Variants in RABGGTB observed in about 807,000 individuals in gnomAD.
The protein encoded by RABGGTB is geranylgeranyl transferase type-2 subunit beta.
Under a neutral mutation model 44.5 loss-of-function variants are expected in RABGGTB, and 20 were observed. The observed-to-expected ratio is 0.45, with a 90% CI of 0.32 to 0.65. The LOEUF (loss-of-function observed/expected upper bound fraction) is 0.65, where lower values mean the gene tolerates loss of function less well. RABGGTB is among the 30% of genes least tolerant of loss of function. The probability of loss-of-function intolerance (pLI) is 0.05; values close to 1 mark genes in which losing one functional copy is unlikely to be tolerated. For missense variants in RABGGTB, 302 were observed against 398.7 expected, an observed-to-expected ratio of 0.76 and a Z score of 2.06; for synonymous variants, 128 against 136.7, an observed-to-expected ratio of 0.94 and a Z score of 0.44.
intron 6 of RABGGTB, chr1:75,791,792 G>A: frequency 2.1e-6 from 1 of 487,454 alleles, no homozygotes; most frequent in Admixed American, 3.8e-5. Flanking sequence ...AAACATAAGT[G>A]GGTTTATAAG....
chr1:75,789,166 G>GT lies in RABGGTB; in HGVS notation c.120dup (p.Met41TyrfsTer3). 6.2e-7 allele frequency: 1 copy of GT among 1,612,870 alleles called. No individual in the cohort carries two copies. Among genetic ancestry groups the GT allele is most frequent in the Non-Finnish European group, 8.5e-7 (1 of 1,178,876 alleles). ...AATTGTGTATTATTTTAGGAATACT[G>GT]TATGTCTGAGTATTTGAGAATGAGT... On this transcript the variant is annotated frameshift_variant, in exon 3 of 9. Coordinates refer to ENST00000319942, the MANE Select transcript of RABGGTB (RefSeq NM_004582.4). LOFTEE classifies it high-confidence loss of function.
At chr1:75,789,600 A>G in intron 3 of RABGGTB, 1 of 696,738 alleles carries the variant, frequency 1.4e-6, no homozygotes, top group Non-Finnish European at 2.7e-6. Flanking sequence ...AAATAGCTAA[A>G]TGGAGCTATT....
rs553896047 is a variant in RABGGTB at position 75,794,897 on chromosome 1, A to G, written c.*247A>G. On this transcript the variant is annotated 3_prime_UTR_variant, in exon 9 of 9. Transcript: ENST00000319942. ...TATACTTCTGTGTCTGTTATGTTCAATAACTGAGCTAACATAAAATAACTC... is the reference window on the plus strand; with the variant it reads ...TATACTTCTGTGTCTGTTATGTTCAGTAACTGAGCTAACATAAAATAACTC... The G allele has an allele frequency of 1.9e-5, 4 of 208,816 alleles. No homozygotes were observed. The highest frequency in any genetic ancestry group is 2.4e-4 in the East Asian group (2 of 8,380). The allele number at this position is 208,816 out of a possible 1,614,324, so 12.9% of individuals were successfully genotyped here. A position where few individuals can be genotyped will look rare whatever the true frequency, so the allele number is the denominator to read the frequency against.
Position 75,789,100 on chromosome 1 carries a change from CTCTT to C in RABGGTB, c.112-57_112-54del. Reference sequence around the variant, plus strand: ...CTAATGAGTTACCTTTGTGTTTAATCTCTTTATAACTTGTTACCAGTTCAAATGA... The same window carrying C: ...CTAATGAGTTACCTTTGTGTTTAATCTATAACTTGTTACCAGTTCAAATGA... On this transcript the variant is annotated intron_variant, in intron 2 of 8. Transcript: ENST00000319942. 2.0e-6 allele frequency: 3 copies of C among 1,490,656 alleles called. No homozygotes were observed. The South Asian group carries it at 3.5e-5, about 17-fold the overall frequency. 92.3% of individuals were successfully genotyped at this position (1,490,656 alleles called of 1,614,324 possible). A position where few individuals can be genotyped will look rare whatever the true frequency, so the allele number is the denominator to read the frequency against.
At position 75,795,053 on chromosome 1, in the gene RABGGTB, C is replaced by A. The variant is rs1225713780; in HGVS notation, c.*403C>A. 1 of 273,004 alleles carries A rather than the reference C, an allele frequency of 3.7e-6. No individual in the cohort carries two copies. The allele number at this position is 273,004 out of a possible 1,614,324, so 16.9% of individuals were successfully genotyped here. ...GAACCCATACATGAATTAAATGATG[C>A]ACAAAATAAATGGCTGTTGAAATTT... On this transcript the variant is annotated 3_prime_UTR_variant, in exon 9 of 9. Coordinates refer to ENST00000319942, the MANE Select transcript of RABGGTB (RefSeq NM_004582.4).
chr1:75,791,532 A>G lies in RABGGTB; in HGVS notation c.540A>G (p.Gly180=), dbSNP rs1649645488. Residue 180 remains glycine, a synonymous_variant, in exon 6 of 9, where the codon GGA becomes GGG. Coordinates refer to ENST00000319942, the MANE Select transcript of RABGGTB (RefSeq NM_004582.4). The stretch of plus-strand genomic sequence containing the variant: ...TATCCTGTATGAACTTTGACGGTGG[A>G]TTTGGTTGCAGACCAGGTTCTGAAT... ...FVLSCMNFDG[G]FGCRPGSESH... 1 of 1,612,742 alleles carries G rather than the reference A, an allele frequency of 6.2e-7. No individual in the cohort carries two copies. Among genetic ancestry groups the G allele is most frequent in the African/African-American group, 1.3e-5 (1 of 74,834 alleles).
chr1:75,792,290 A>C lies in RABGGTB; in HGVS notation c.689A>C (p.Asn230Thr). 6.2e-7 allele frequency: 1 copy of C among 1,613,978 alleles called. No homozygotes were observed. The change falls in exon 7 of 9, where the codon AAT (asparagine) becomes ACT (threonine). Residue 230 changes from asparagine to threonine, a missense_variant. Coordinates refer to ENST00000319942, the MANE Select transcript of RABGGTB (RefSeq NM_004582.4). ...CERQLPSGGL[N>T]GRPEKLPDVC... Reference sequence around the variant, plus strand: ...CGACAATTACCCTCAGGCGGGCTCAATGGAAGGCCGGAGAAGGTATTGTTT... The same window carrying C: ...CGACAATTACCCTCAGGCGGGCTCACTGGAAGGCCGGAGAAGGTATTGTTT...
chr1:75,791,462 G>T lies in RABGGTB; in HGVS notation c.470G>T (p.Gly157Val). 6 of 1,609,010 alleles carry T rather than the reference G, an allele frequency of 3.7e-6. No individual in the cohort carries two copies. Among genetic ancestry groups the T allele is most frequent in the Non-Finnish European group, 5.1e-6 (6 of 1,178,278 alleles). ...AGGCATCTTTTTTTTTGTTTGTAGG[G>T]GAAGCTTGATGCTATTAATGTGGAA... is the stretch of plus-strand genomic sequence containing the variant. Reference protein sequence around the residue: ...FCAVATLALLGKLDAINVEKA... With the variant: ...FCAVATLALLVKLDAINVEKA... The change falls in exon 6 of 9, where the codon GGG becomes GTG. Residue 157 changes from glycine to valine, a missense_variant and splice_region_variant. Physicochemically the swap from Gly to Val is moderately radical, Grantham distance 109. Around this residue, in one of 2 missense-constraint regions of RABGGTB, gnomAD observed 213 missense variants for 323.7 expected, o/e 0.66. Coordinates refer to ENST00000319942, the MANE Select transcript of RABGGTB (RefSeq NM_004582.4).
intron 4 of RABGGTB, 161 bp downstream of exon 4, chr1:75,790,218 A>G: frequency 7.0e-7 from 1 of 1,431,024 alleles, no homozygotes; most frequent in Non-Finnish European, 9.1e-7. Context: ...GCACTGTGGT[A>G]GTTATATCAG....
At chr1:75,787,705 T>G in intron 2 of RABGGTB, 101 bp downstream of exon 2, 2 of 904,506 alleles carry the variant, frequency 2.2e-6, no homozygotes, top group South Asian at 2.9e-5. Context: ...TCCAACTCCA[T>G]GCAGAGAACT....
intron 1 of RABGGTB, chr1:75,787,145 G>C: frequency 1.8e-6 from 1 of 560,868 alleles, no homozygotes; most frequent in South Asian, 1.4e-5. Flanking sequence ...ATTACTCTGA[G>C]ACCTGAAAAT....
rs578215099 is a variant in RABGGTB, at chr1:75,794,431, G to A, written c.856-79G>A. The A allele has an allele frequency of 4.0e-5, 57 of 1,433,506 alleles. No individual in the cohort carries two copies. The Middle Eastern group carries it at 4.6e-3, about 116-fold the overall frequency. The allele number at this position is 1,433,506 out of a possible 1,614,324, so 88.8% of individuals were successfully genotyped here. On this transcript the variant is annotated intron_variant, in intron 8 of 8. Coordinates refer to ENST00000319942, the MANE Select transcript of RABGGTB (RefSeq NM_004582.4). ...CTTGTTGCTAACAAAATTAGTATAT[G>A]GTAAAGGTCAGGTATTCATAATTTG... is the stretch of plus-strand genomic sequence containing the variant.
chr1:75,787,711 G>C (rs1246928601), intron 2 of RABGGTB, 107 bp downstream of exon 2: 2 of 873,680 alleles, frequency 2.3e-6, no homozygotes, highest in Non-Finnish European at 3.7e-6. Context: ...TCCATGCAGA[G>C]AACTGAGGAT....
At chr1:75,786,217 C>T (rs944777853), upstream of RABGGTB, 26 of 1,612,408 alleles carry the variant, frequency 1.6e-5, no homozygotes, top group Non-Finnish European at 2.1e-5. Context: ...GCGCAGGCGC[C>T]CGGCTCCTAA....
In RABGGTB at chr1:75,786,294, TGCTGTCCGGATGG is replaced by T. The variant is rs780517392; in HGVS notation, c.3+22_3+34del. 3 of 1,614,180 alleles carry T rather than the reference TGCTGTCCGGATGG, an allele frequency of 1.9e-6. No individual in the cohort carries two copies. The highest frequency in any genetic ancestry group is 2.5e-6 in the Non-Finnish European group (3 of 1,179,984). On this transcript the variant is annotated intron_variant, in intron 1 of 8. Transcript: ENST00000319942. ...GACATGGTAAGTGTGAGTTTAGCGC[TGCTGTCCGGATGG>T]GTTGGTAGCAGACAGGGTGGAGTAG...
rs992639778 is a variant in RABGGTB, at chr1:75,791,546, C to G, written c.554C>G (p.Pro185Arg). The change falls in exon 6 of 9, where the codon CCA becomes CGA. Residue 185 changes from proline to arginine, a missense_variant. Physicochemically the swap from Pro to Arg is moderately radical, Grantham distance 103 (BLOSUM62 -2). Around this residue, in one of 2 missense-constraint regions of RABGGTB, gnomAD observed 213 missense variants for 323.7 expected, o/e 0.66. Transcript: ENST00000319942. ...MNFDGGFGCR[P>R]GSESHAGQIY... is the part of the protein sequence containing the mutation. ...TTTGACGGTGGATTTGGTTGCAGAC[C>G]AGGTTCTGAATCCCATGCTGGGCAG... The G allele has an allele frequency of 2.5e-6, 4 of 1,611,996 alleles. No homozygotes were observed. In the Admixed American group the frequency reaches 6.7e-5, roughly 27 times the overall value.
intron 4 of RABGGTB, chr1:75,790,271 T>A (rs922612680): frequency 3.2e-6 from 4 of 1,235,712 alleles, no homozygotes; most frequent in African/African-American, 1.6e-5. Flanking sequence ...GTCTAAAAGA[T>A]AAGGTAGGTG....
At chr1:75,788,523 T>G (rs1443906145) in intron 2 of RABGGTB, 9 of 153,952 alleles carry the variant, frequency 5.8e-5, no homozygotes, top group Non-Finnish European at 1.0e-4. Flanking sequence ...ACTCCTGACC[T>G]CAAGTGATCT....
chr1:75,786,614 ATGT>A, intron 1 of RABGGTB: 1 of 332,114 alleles, frequency 3.0e-6, no homozygotes, highest in South Asian at 3.8e-5. Flanking sequence ...ATCGTTAGTG[ATGT>A]GGTCTCGCTT....
Sources: gnomAD v4.1 joint callset for allele counts on GRCh38, gnomAD v4.1.1 for gene constraint, gnomAD v4.1.1 regional missense constraint, MANE v1.5 for transcripts, NCBI Gene and HGNC (gene_info 2026-07-23, HGNC 2026-07-21) for gene names.